The following SPTBN1 variants were observed in gnomAD, a reference collection of about 807,000 sequenced individuals.
The protein encoded by SPTBN1 is spectrin beta chain, non-erythrocytic 1.
Under a neutral mutation model 266.4 loss-of-function variants are expected in SPTBN1, and 32 were observed. The observed-to-expected ratio is 0.12, with a 90% confidence interval of 0.09 to 0.16. SPTBN1 has a LOEUF of 0.16. SPTBN1 is among the 10% of genes least tolerant of loss of function. The pLI is 1.00. For synonymous variants in SPTBN1, 1,336 were observed against 1,162.2 expected, an observed-to-expected ratio of 1.15 and a Z score of -3.04; for missense variants, 2,296 against 3,067.1, an observed-to-expected ratio of 0.75 and a Z score of 5.94.
In SPTBN1 at chr2:54,558,666, G is replaced by T; in HGVS notation, c.148+32100G>T. The T allele has an allele frequency of 6.6e-7, 1 of 1,510,302 alleles. No homozygotes were observed. 93.6% of individuals were successfully genotyped at this position (1,510,302 alleles called of 1,614,324 possible). ...CTGCTGGACTTGCAGACCGGAATGGGGCTCGCCTAAGGAGCCGAGCGCTGC... is the reference window on the plus strand; with the variant it reads ...CTGCTGGACTTGCAGACCGGAATGGTGCTCGCCTAAGGAGCCGAGCGCTGC... On this transcript the variant is annotated intron_variant, in intron 2 of 35. Coordinates refer to ENST00000356805, the MANE Select transcript of SPTBN1 (RefSeq NM_003128.3). The surrounding 1 kb of genome is among the most constrained non-coding windows in gnomAD (Gnocchi z 4.6).
In SPTBN1 at chr2:54,554,489, AACTGGG is replaced by A. The variant is rs1418481471; in HGVS notation, c.148+27928_148+27933del. ...TTCAGTTTAAGTGGAGATTGATGAT[AACTGGG>A]ACTGCAGTTAGAAGTGGGACCTAAG... is the stretch of plus-strand genomic sequence containing the variant. On this transcript the variant is annotated intron_variant, in intron 2 of 35. Coordinates refer to ENST00000356805, the MANE Select transcript of SPTBN1 (RefSeq NM_003128.3). The surrounding 1 kb of genome is among the most constrained non-coding windows in gnomAD (Gnocchi z 4.5). 1.3e-5 allele frequency among the ~76,000 whole-genome samples: 2 copies of A among 152,206 alleles called. No homozygotes were observed. Among genetic ancestry groups the A allele is most frequent in the Non-Finnish European group, 2.9e-5 (2 of 68,024 alleles).
At chr2:54,509,947 GCTTT>G (rs1319525853) in intron 1 of SPTBN1, among the ~76,000 whole-genome samples, 6 of 115,218 alleles carry the variant, frequency 5.2e-5, no homozygotes, top group East Asian at 2.3e-4. Flanking sequence ...TTTGTTCCTT[GCTTT>G]CTTTCTTTTT....
chr2:54,633,424 T>C (rs533645499), intron 17 of SPTBN1, among the ~76,000 whole-genome samples: 9 of 140,778 alleles, frequency 6.4e-5, no homozygotes, highest in South Asian at 2.3e-4. Context: ...TGTGTGTGTG[T>C]GCGTGTGTGT....
chr2:54,480,082 G>C (rs1215500584), intron 1 of SPTBN1, among the ~76,000 whole-genome samples: 4 of 152,114 alleles, frequency 2.6e-5, no homozygotes, highest in Non-Finnish European at 5.9e-5. Context: ...AAGTAAAATT[G>C]ACTTTTACTT....
At chr2:54,538,604 A>ATT (rs1671754082) in intron 2 of SPTBN1, among the ~76,000 whole-genome samples, 1 of 152,186 alleles carries the variant, frequency 6.6e-6, no homozygotes, top group African/African-American at 2.4e-5. Flanking sequence ...CTGTATTTTT[A>ATT]TTAGTTAATC....
At chr2:54,549,272 A>C (rs1402147869) in intron 2 of SPTBN1, among the ~76,000 whole-genome samples, 1 of 147,390 alleles carries the variant, frequency 6.8e-6, no homozygotes, top group African/African-American at 2.6e-5. Context: ...CTGGGCAATA[A>C]GAGTGAAACT....
intron 18 of SPTBN1, 102 bp downstream of exon 18, chr2:54,637,905 A>G (rs998214228): frequency 1.5e-5 from 14 of 960,910 alleles, no homozygotes; most frequent in Non-Finnish European, 2.1e-5. Context: ...TAATGAAACC[A>G]GAAATCCATA....
At chr2:54,619,283 A>C (rs1339470231) in intron 7 of SPTBN1, among the ~76,000 whole-genome samples, 1 of 152,228 alleles carries the variant, frequency 6.6e-6, no homozygotes, top group Non-Finnish European at 1.5e-5. Flanking sequence ...TAACCCATTA[A>C]ATGGTTTCTC....
intron 1 of SPTBN1, among the ~76,000 whole-genome samples, chr2:54,474,043 A>G (rs1160448914): frequency 3.9e-5 from 6 of 152,234 alleles, no homozygotes; most frequent in Non-Finnish European, 8.8e-5. Flanking sequence ...TCTGCTGCAG[A>G]TGGCAGCAGG....
intron 1 of SPTBN1, among the ~76,000 whole-genome samples, chr2:54,467,722 T>C (rs1693713382): frequency 6.6e-6 from 1 of 152,152 alleles, no homozygotes; most frequent in Admixed American, 6.5e-5. Flanking sequence ...GTTTTAAAAA[T>C]TAAAATAGTC....
chr2:54,553,571 G>C (rs959696495), intron 2 of SPTBN1, among the ~76,000 whole-genome samples: 2 of 152,194 alleles, frequency 1.3e-5, no homozygotes, highest in African/African-American at 4.8e-5. Context: ...ACTTGACACC[G>C]ATGAAGAATG....
intron 1 of SPTBN1, among the ~76,000 whole-genome samples, chr2:54,508,205 A>T (rs1335150918): frequency 1.3e-5 from 2 of 152,196 alleles, no homozygotes; most frequent in Non-Finnish European, 2.9e-5. Flanking sequence ...AGAAGGCCAA[A>T]CCGAGGAACT....
At chr2:54,525,497 G>A (rs1247209649) in intron 1 of SPTBN1, among the ~76,000 whole-genome samples, 1 of 152,192 alleles carries the variant, frequency 6.6e-6, no homozygotes, top group African/African-American at 2.4e-5. Context: ...GCCTCCCAAA[G>A]TGCTGGGATT....
At position 54,558,080 on chromosome 2, in the gene SPTBN1, C is replaced by T; in HGVS notation, c.148+31514C>T. 5.1e-6 allele frequency: 5 copies of T among 985,424 alleles called. No homozygotes were observed. The highest frequency in any genetic ancestry group is 4.8e-6 in the Non-Finnish European group (4 of 829,920). 61.0% of individuals were successfully genotyped at this position (985,424 alleles called of 1,614,324 possible). On this transcript the variant is annotated intron_variant, in intron 2 of 35. Transcript: ENST00000356805. The surrounding 1 kb of genome is among the most constrained non-coding windows in gnomAD (Gnocchi z 4.6). ...GCTAGCCTTTTCAAGTGATAGTAAT[C>T]GGAGACTTTTCCGTTACATGAGGCT...
At chr2:54,616,413 T>C in intron 5 of SPTBN1, 115 bp downstream of exon 5, 1 of 822,346 alleles carries the variant, frequency 1.2e-6, no homozygotes, top group Non-Finnish European at 1.9e-6. Context: ...TTGGGAAGTC[T>C]TGTTAACTCG....
chr2:54,601,467 A>C (rs1676495249), intron 3 of SPTBN1, among the ~76,000 whole-genome samples: 1 of 152,188 alleles, frequency 6.6e-6, no homozygotes, highest in Admixed American at 6.5e-5. Context: ...TCCTCCCTGC[A>C]GAAGACCTCC....
chr2:54,560,690 C>T (rs1673240524), intron 2 of SPTBN1, among the ~76,000 whole-genome samples: 1 of 152,152 alleles, frequency 6.6e-6, no homozygotes, highest in Non-Finnish European at 1.5e-5. Context: ...CCCTTGTCTC[C>T]TAATTTAGCC....
intron 2 of SPTBN1, among the ~76,000 whole-genome samples, chr2:54,530,508 G>A (rs1019217358): frequency 9.9e-5 from 15 of 151,366 alleles, no homozygotes; most frequent in African/African-American, 1.5e-4. Flanking sequence ...ACAGGCGCCC[G>A]CCACCACCCC....
At position 54,646,602 on chromosome 2, in the gene SPTBN1, C is replaced by T; in HGVS notation, c.4866+127C>T. On this transcript the variant is annotated intron_variant, in intron 23 of 35. Coordinates refer to ENST00000356805, the MANE Select transcript of SPTBN1 (RefSeq NM_003128.3). This position sits in a 1 kb window ranked among gnomAD's most constrained non-coding sequence, Gnocchi z 4.4. Reference sequence around the variant, plus strand: ...TAGCCTTTGAGTGTTAAGGGGACACCATGTGCATGAAGGTGTCTGAAATCC... The same window carrying T: ...TAGCCTTTGAGTGTTAAGGGGACACTATGTGCATGAAGGTGTCTGAAATCC... The T allele has an allele frequency of 1.8e-6, 2 of 1,120,870 alleles. No individual in the cohort carries two copies. Among genetic ancestry groups the T allele is most frequent in the Non-Finnish European group, 1.2e-6 (1 of 839,304 alleles). 69.4% of individuals were successfully genotyped at this position (1,120,870 alleles called of 1,614,324 possible).
Sources: allele counts gnomAD v4.1 joint callset (sites outside exome capture counted in the v4.1 genomes callset), GRCh38; gene constraint gnomAD v4.1.1; non-coding constraint Gnocchi (gnomAD v3.1); transcripts MANE v1.5; gene names NCBI Gene and HGNC (gene_info 2026-07-23, HGNC 2026-07-21).